The following MPDZ variants were observed in gnomAD, a reference collection of about 807,000 sequenced individuals.
MPDZ encodes multiple PDZ domain protein.
A neutral mutation model predicts 239.1 loss-of-function variants in MPDZ; 234 were observed. That is an observed-to-expected ratio of 0.98 (90% confidence interval 0.88 to 1.09). The LOEUF is 1.09. Ranked by LOEUF, MPDZ falls within the 50% of genes least tolerant of loss-of-function variation. MPDZ has a pLI of 0.00. For missense variants in MPDZ, 3,175 were observed against 2,510.0 expected (o/e 1.26, Z -5.66); for synonymous variants, 1,048 against 881.3 (o/e 1.19, Z -3.35).
chr9:13,256,494 T>C lies in MPDZ; in HGVS notation c.-57-6122A>G, dbSNP rs78936732. On this transcript the variant is annotated intron_variant, in intron 1 of 46. Transcript: ENST00000319217. ...AGCTTTTGGTTTAAAGTGAGAGGCA[T>C]GCAACTCTTCCTTTCACTTAAACAC... is the stretch of plus-strand genomic sequence containing the variant. Among the ~76,000 whole-genome samples, 212 of 152,326 alleles carry C rather than the reference T, an allele frequency of 1.4e-3. 1 individual carries two copies. Among genetic ancestry groups the C allele is most frequent in the African/African-American group, 4.8e-3 (200 of 41,574 alleles).
chr9:13,247,850 G>A (rs751816423), intron 2 of MPDZ, 49 bp from the exon 3 acceptor site: 6 of 1,524,762 alleles, frequency 3.9e-6, no homozygotes, highest in Middle Eastern at 1.9e-4. Flanking sequence ...AAGGACACAT[G>A]TCCAGCCTAA....
chr9:13,256,819 C>A (rs1969551702), intron 1 of MPDZ, among the ~76,000 whole-genome samples: 1 of 152,178 alleles, frequency 6.6e-6, no homozygotes. Flanking sequence ...ACAAAGTAAG[C>A]ATGTGCTGTT....
Position 13,150,617 on chromosome 9 carries a change from C to T in MPDZ, c.3524G>A (p.Arg1175Gln), listed in dbSNP as rs201833535. The T allele has an allele frequency of 3.6e-5, 55 of 1,537,630 alleles. No individual in the cohort carries two copies. Among genetic ancestry groups the T allele is most frequent in the Non-Finnish European group, 4.1e-5 (47 of 1,139,844 alleles). ...CCTCATCACTTCTCCATTGCTTAGC[C>T]GACTCCCCATCCCTCGTCCACCAAC... The part of the protein sequence containing the change: ...SIVGGRGMGS[R>Q]LSNGEVMRGI... Residue 1175 changes from arginine (R) to glutamine (Q), a missense_variant, in exon 25 of 47, where the codon CGG (arginine) becomes CAG (glutamine). Arg to Gln is a conservative substitution (Grantham distance 43). Transcript: ENST00000319217.
intron 1 of MPDZ, among the ~76,000 whole-genome samples, chr9:13,258,022 A>C (rs1969842977): frequency 6.6e-6 from 1 of 152,236 alleles, no homozygotes; most frequent in Non-Finnish European, 1.5e-5. Flanking sequence ...AATCCTTAAT[A>C]AATCTCAAAG....
chr9:13,195,993 G>T, intron 13 of MPDZ, 128 bp downstream of exon 13: 1 of 579,116 alleles, frequency 1.7e-6, no homozygotes, highest in Admixed American at 3.4e-5. Flanking sequence ...CCATATTTAG[G>T]TTGTCTAAAA....
At chr9:13,271,626 T>C (rs984306323) in intron 1 of MPDZ, among the ~76,000 whole-genome samples, 6 of 152,190 alleles carry the variant, frequency 3.9e-5, no homozygotes, top group Admixed American at 2.6e-4. Context: ...ATCAATTAAA[T>C]GTTAATCTGT....
intron 1 of MPDZ, among the ~76,000 whole-genome samples, chr9:13,273,534 T>C: frequency 6.6e-6 from 1 of 152,162 alleles, no homozygotes; most frequent in African/African-American, 2.4e-5. Context: ...ATTATTCAAA[T>C]AATTGCCATT....
chr9:13,193,398 C>A, intron 13 of MPDZ, 85 bp from the exon 14 acceptor site: 5 of 1,365,588 alleles, frequency 3.7e-6, no homozygotes, highest in Non-Finnish European at 3.9e-6. Context: ...TTATGTTTAC[C>A]CAAAAGTGGT....
At chr9:13,120,232 C>G (rs886693199) in intron 38 of MPDZ, 1 of 151,756 alleles carries the variant, frequency 6.6e-6, no homozygotes, top group African/African-American at 2.4e-5. Context: ...TTATTCCCAT[C>G]CTTTCTTTCA....
intron 24 of MPDZ, among the ~76,000 whole-genome samples, chr9:13,156,064 C>T (rs947491593): frequency 6.6e-6 from 1 of 152,130 alleles, no homozygotes; most frequent in Non-Finnish European, 1.5e-5. Context: ...TTTCTCTTTG[C>T]TTAGGTACCA....
intron 24 of MPDZ, among the ~76,000 whole-genome samples, chr9:13,152,572 G>A (rs1197448298): frequency 6.6e-6 from 1 of 151,968 alleles, no homozygotes; most frequent in Admixed American, 6.6e-5. Flanking sequence ...GGAACTGTGA[G>A]TCCATTAAAC....
At chr9:13,137,810 G>C (rs1385196596) in intron 29 of MPDZ, 147 bp downstream of exon 29, 2 of 805,428 alleles carry the variant, frequency 2.5e-6, no homozygotes, top group Admixed American at 2.7e-5. Flanking sequence ...ATTTGGTTTA[G>C]AGCCAGATTT....
intron 39 of MPDZ, among the ~76,000 whole-genome samples, chr9:13,119,173 C>T (rs1382891443): frequency 6.6e-6 from 1 of 152,026 alleles, no homozygotes; most frequent in Non-Finnish European, 1.5e-5. Flanking sequence ...AGTGGTGTGA[C>T]CCCAGACTCA....
rs145558466 is a variant in MPDZ, at chr9:13,119,365, G to A, written c.5379+137C>T. The A allele has an allele frequency of 7.6e-4, 788 of 1,031,384 alleles. 4 individuals carry two copies. The highest frequency in any genetic ancestry group is 7.5e-3 in the Middle Eastern group (28 of 3,710). The allele number at this position is 1,031,384 out of a possible 1,614,324, so 63.9% of individuals were successfully genotyped here. ...CTCCCAAAATGCTGGGATTATAGGC[G>A]TGAGCCATTGCACCTGGCCTTGAGG... On this transcript the variant is annotated intron_variant, in intron 39 of 46. Transcript: ENST00000319217.
At chr9:13,240,580 T>TAAAAAAAAAAAAAAAAAAAA (rs71331533) in intron 3 of MPDZ, among the ~76,000 whole-genome samples, 1 of 44,012 alleles carries the variant, frequency 2.3e-5, no homozygotes, top group African/African-American at 1.2e-4. Flanking sequence ...ATAATAAAAG[T>TAAAAAAAAAAAAAAAAAAAA]AAAAAAAAAA....
chr9:13,133,071 A>G (rs1449151358), intron 32 of MPDZ, among the ~76,000 whole-genome samples: 1 of 152,204 alleles, frequency 6.6e-6, no homozygotes, highest in Non-Finnish European at 1.5e-5. Flanking sequence ...CATTCATTAT[A>G]AAGTATTCAA....
At chr9:13,203,285 G>A (rs1277746925) in intron 12 of MPDZ, among the ~76,000 whole-genome samples, 4 of 152,164 alleles carry the variant, frequency 2.6e-5, no homozygotes, top group Admixed American at 6.6e-5. Flanking sequence ...TCAGTTCAGA[G>A]TCCTATCTCT....
At chr9:13,217,574 A>C (rs1958510921) in intron 8 of MPDZ, among the ~76,000 whole-genome samples, 1 of 151,876 alleles carries the variant, frequency 6.6e-6, no homozygotes, top group Non-Finnish European at 1.5e-5. Flanking sequence ...TAAATCAAAC[A>C]GGTTTTTTTT....
intron 19 of MPDZ, 107 bp from the exon 20 acceptor site, chr9:13,176,524 AT>A: frequency 1.1e-6 from 1 of 949,244 alleles, no homozygotes; most frequent in Non-Finnish European, 1.5e-6. Context: ...AATGTAAAAC[AT>A]AACAATTATT....
Sources: gnomAD v4.1 joint callset for allele counts (sites outside exome capture counted in the v4.1 genomes callset) on GRCh38, gnomAD v4.1.1 for gene constraint, MANE v1.5 for transcripts, NCBI Gene and HGNC (gene_info 2026-07-23, HGNC 2026-07-21) for gene names.